Variants in DCHS2 observed in about 807,000 individuals in gnomAD.
DCHS2 encodes dachsous cadherin-related 2, also known as protocadherin-23.
A neutral mutation model predicts 182.4 loss-of-function variants in DCHS2; 142 were observed. The ratio of observed to expected loss-of-function variants is 0.78; its 90% CI spans 0.68 to 0.89. The LOEUF (loss-of-function observed/expected upper bound fraction) is 0.89. Ranked by LOEUF, DCHS2 falls within the 40% of genes least tolerant of loss-of-function variation. The probability of loss-of-function intolerance (pLI) is 0.00; values close to 1 mark genes in which losing one functional copy is unlikely to be tolerated. For synonymous variants in DCHS2, 1,740 were observed against 1,663.3 expected (o/e 1.05, Z -1.12); for missense variants, 4,319 against 4,198.6 (o/e 1.03, Z -0.79).
chr4:154,444,055 C>T (rs554114759), intron 1 of DCHS2, among the ~76,000 whole-genome samples: 3 of 152,258 alleles, frequency 2.0e-5, no homozygotes, highest in Admixed American at 2.0e-4. Flanking sequence ...TTCTCAGCCT[C>T]CTTGCTTCCT....
chr4:154,476,841 C>T (rs767844517), intron 1 of DCHS2, among the ~76,000 whole-genome samples: 11 of 152,162 alleles, frequency 7.2e-5, no homozygotes, highest in Admixed American at 2.0e-4. Context: ...TTTACTATTG[C>T]ATAATGCATA....
rs1248067111 is a variant in DCHS2 at position 154,416,300 on chromosome 4, C to CGTCT, written c.2053-38860_2053-38857dup. On this transcript the variant is annotated intron_variant, in intron 1 of 19. Transcript: ENST00000357232. The stretch of plus-strand genomic sequence containing the variant: ...CAGAGGAGCACAGCTGCATCAGCCC[C>CGTCT]GTCTTCTATTTCCTGCCAGAGGGAC... Among the ~76,000 whole-genome samples the CGTCT allele has an allele frequency of 2.0e-5, 3 of 152,300 alleles. No individual in the cohort carries two copies. The East Asian group carries it at 5.8e-4, about 29-fold the overall frequency.
At chr4:154,356,437 G>T (rs1197276951) in intron 3 of DCHS2, among the ~76,000 whole-genome samples, 4 of 152,074 alleles carry the variant, frequency 2.6e-5, no homozygotes, top group African/African-American at 9.7e-5. Context: ...ATTTGATGTA[G>T]CCTAAGTGTA....
At chr4:154,378,561 G>GAAGGAAGA (rs1731031792) in intron 1 of DCHS2, among the ~76,000 whole-genome samples, 1 of 151,502 alleles carries the variant, frequency 6.6e-6, no homozygotes, top group Non-Finnish European at 1.5e-5. Context: ...AGGAAGGAAG[G>GAAGGAAGA]AAGGTAGGAA....
chr4:154,300,150 C>T (rs1442055600), intron 12 of DCHS2, among the ~76,000 whole-genome samples: 2 of 152,060 alleles, frequency 1.3e-5, no homozygotes, highest in East Asian at 3.9e-4. Flanking sequence ...GACTAGTACA[C>T]AGGGTTCCTG....
In DCHS2 at chr4:154,390,797, A is replaced by G. The variant is rs530628324; in HGVS notation, c.2053-13353T>C. ...TTGTACTATTCTTCATCACCAAACAATAATAAAATAAAGAGAAAGAAACCA... is the reference window on the plus strand; with the variant it reads ...TTGTACTATTCTTCATCACCAAACAGTAATAAAATAAAGAGAAAGAAACCA... On this transcript the variant is annotated intron_variant, in intron 1 of 19. Transcript: ENST00000357232. Among the ~76,000 whole-genome samples the G allele has an allele frequency of 2.6e-5, 4 of 152,330 alleles. No homozygotes were observed. In the East Asian group the frequency reaches 5.8e-4, roughly 22 times the overall value.
At chr4:154,420,500 G>T (rs965596155) in intron 1 of DCHS2, among the ~76,000 whole-genome samples, 2 of 152,142 alleles carry the variant, frequency 1.3e-5, no homozygotes, top group African/African-American at 4.8e-5. Context: ...TCAGTCCAAA[G>T]CCAAAGGCCT....
chr4:154,344,480 A>T (rs1729264469), intron 3 of DCHS2, among the ~76,000 whole-genome samples: 1 of 152,204 alleles, frequency 6.6e-6, no homozygotes, highest in Non-Finnish European at 1.5e-5. Context: ...AATTATATTC[A>T]ATATATTTGT....
At chr4:154,481,005 G>A (rs955419070) in intron 1 of DCHS2, among the ~76,000 whole-genome samples, 35 of 152,136 alleles carry the variant, frequency 2.3e-4, no homozygotes, top group Admixed American at 3.9e-4. Flanking sequence ...TTTAAGGAAA[G>A]ATTTGTGTTG....
intron 1 of DCHS2, among the ~76,000 whole-genome samples, chr4:154,383,365 A>C (rs1407615685): frequency 1.3e-5 from 2 of 152,172 alleles, no homozygotes; most frequent in South Asian, 2.1e-4. Context: ...CATTGGTTGC[A>C]ATGCTCATTG....
rs151328457 is a variant in DCHS2, at chr4:154,468,234, T to C, written c.2052+21070A>G. Reference sequence around the variant, plus strand: ...ACATTTTGAATGGTTTAGAATGTTTTTTCAGCTCATCTAGATACAAATCAT... The same window carrying C: ...ACATTTTGAATGGTTTAGAATGTTTCTTCAGCTCATCTAGATACAAATCAT... On this transcript the variant is annotated intron_variant, in intron 1 of 19. Transcript: ENST00000357232. 4.2e-3 allele frequency among the ~76,000 whole-genome samples: 645 copies of C among 152,292 alleles called. 4 individuals are homozygous for C. Among genetic ancestry groups the C allele is most frequent in the African/African-American group, 0.015 (608 of 41,568 alleles).
Position 154,253,100 on chromosome 4 carries a change from T to TG in DCHS2, c.6941+2418dup, listed in dbSNP as rs951148845. On this transcript the variant is annotated intron_variant, in intron 16 of 19. Transcript: ENST00000357232. The stretch of plus-strand genomic sequence containing the variant: ...ATGCCACAGCAGGTGTTGTGCGGGG[T>TG]GGGGGGCGGGGTGTGGGGAGAGCCC... Among the ~76,000 whole-genome samples, 11 of 79,142 alleles carry TG rather than the reference T, an allele frequency of 1.4e-4. No individual in the cohort carries two copies. The East Asian group carries it at 2.7e-3, about 20-fold the overall frequency. 51.9% of individuals were successfully genotyped at this position (79,142 alleles called of 152,430 possible).
chr4:154,447,234 GTGAGC>G (rs1253194587), intron 1 of DCHS2, among the ~76,000 whole-genome samples: 2 of 152,210 alleles, frequency 1.3e-5, no homozygotes, highest in Non-Finnish European at 2.9e-5. Flanking sequence ...AGGGGATGCA[GTGAGC>G]TGAGATTGTG....
intron 1 of DCHS2, among the ~76,000 whole-genome samples, chr4:154,405,847 T>A (rs185644124): frequency 2.0e-5 from 3 of 152,326 alleles, no homozygotes; most frequent in Admixed American, 2.0e-4. Flanking sequence ...CTTCTTAACA[T>A]GTCTCGTAAG....
rs999543343 is a variant in DCHS2 at position 154,255,767 on chromosome 4, G to T, written c.6790-97C>A. On this transcript the variant is annotated intron_variant, in intron 15 of 19. Transcript: ENST00000357232. ...ATGCATTAAGAAAGAATCACAGCTTGTCAAACATATTTTAAAAACAACGAT... is the reference window on the plus strand; with the variant it reads ...ATGCATTAAGAAAGAATCACAGCTTTTCAAACATATTTTAAAAACAACGAT... The T allele has an allele frequency of 7.8e-6, 11 of 1,408,542 alleles. No individual in the cohort carries two copies. In the African/African-American group the frequency reaches 1.6e-4, roughly 21 times the overall value. The allele number at this position is 1,408,542 out of a possible 1,614,324, so 87.3% of individuals were successfully genotyped here.
intron 3 of DCHS2, among the ~76,000 whole-genome samples, chr4:154,337,732 T>TTTATTATTA (rs149425538): frequency 1.3e-5 from 2 of 150,338 alleles, no homozygotes; most frequent in South Asian, 2.1e-4. Flanking sequence ...CTAGCCATAT[T>TTTATTATTA]TTATTATTAT....
rs747943618 is a variant in DCHS2, at chr4:154,235,425, C to A, written c.9227G>T (p.Ser3076Ile). The A allele has an allele frequency of 1.9e-6, 3 of 1,614,072 alleles. No individual in the cohort carries two copies. Among genetic ancestry groups the A allele is most frequent in the Non-Finnish European group, 2.5e-6 (3 of 1,179,986 alleles). The change falls in exon 20 of 20, where the codon AGT becomes ATT. Residue 3076 changes from serine (S) to isoleucine (I), a missense_variant. Coordinates refer to ENST00000357232, the MANE Select transcript of DCHS2 (RefSeq NM_001358235.2). ...DATPEWLSLI[S>I]IMEKDIVNLY... ...ATTGACAATATCCTTCTCCATGATA[C>A]TTATTAAACTCAACCATTCCGGAGT... is the stretch of plus-strand genomic sequence containing the variant.
At chr4:154,238,763 G>T (rs921188072) in intron 19 of DCHS2, among the ~76,000 whole-genome samples, 5 of 152,050 alleles carry the variant, frequency 3.3e-5, no homozygotes, top group Non-Finnish European at 5.9e-5. Flanking sequence ...AACTTGGCTT[G>T]GGAAGAAAGC....
chr4:154,457,487 C>T lies in DCHS2; in HGVS notation c.2052+31817G>A, dbSNP rs190527354. ...CCCATCACTATGGCCTTAATGCTTC[C>T]GTGGCAACATTTAAGAATGGCGCAC... On this transcript the variant is annotated intron_variant, in intron 1 of 19. Transcript: ENST00000357232. 8.5e-4 allele frequency among the ~76,000 whole-genome samples: 130 copies of T among 152,294 alleles called. 1 individual carries two copies. The highest frequency in any genetic ancestry group is 2.7e-3 in the African/African-American group (114 of 41,558).
Sources: allele counts gnomAD v4.1 joint callset (sites outside exome capture counted in the v4.1 genomes callset), GRCh38; gene constraint gnomAD v4.1.1; transcripts MANE v1.5; gene names NCBI Gene and HGNC (gene_info 2026-07-23, HGNC 2026-07-21).